UACA: variants seen among roughly 807,000 people sequenced by gnomAD.
The protein encoded by UACA is nuclear membrane binding protein.
A neutral mutation model predicts 160.5 loss-of-function variants in UACA; 112 were observed. The observed-to-expected ratio is 0.70, with a 90% CI of 0.60 to 0.82. The LOEUF (loss-of-function observed/expected upper bound fraction) is 0.82. UACA is among the 40% of genes least tolerant of loss of function. The pLI is 0.00. For missense variants in UACA, 1,574 were observed against 1,614.6 expected (o/e 0.97, Z 0.43); for synonymous variants, 557 against 568.4 (o/e 0.98, Z 0.29).
Position 70,670,689 on chromosome 15 carries a change from C to CA in UACA, c.1221+349dup, listed in dbSNP as rs554652792. ...CTGGATCAAGAGGAAAAAAAAAAAC[C>CA]AAAAAATTATATTTTGGATTATTCA... On this transcript the variant is annotated intron_variant, in intron 15 of 18. Transcript: ENST00000322954. Among the ~76,000 whole-genome samples, 50 of 151,496 alleles carry CA rather than the reference C, an allele frequency of 3.3e-4. No homozygotes were observed. In the South Asian group the frequency reaches 4.8e-3, roughly 15 times the overall value.
At chr15:70,718,028 TAC>T (rs140483075) in intron 1 of UACA, among the ~76,000 whole-genome samples, 4,493 of 142,436 alleles carry the variant, frequency 0.032, 101 homozygotes, top group Middle Eastern at 0.053. Flanking sequence ...AATTTCTTTA[TAC>T]ACACACACAC....
At chr15:70,756,960 A>G (rs956577263) in intron 1 of UACA, among the ~76,000 whole-genome samples, 3 of 152,136 alleles carry the variant, frequency 2.0e-5, no homozygotes, top group African/African-American at 7.2e-5. Flanking sequence ...ATAATTCGAT[A>G]TCATCAAGTA....
the UACA span, among the ~76,000 whole-genome samples, chr15:70,775,384 T>C: frequency 6.6e-6 from 1 of 152,210 alleles, no homozygotes; most frequent in Non-Finnish European, 1.5e-5. Flanking sequence ...GAAGCTAATA[T>C]GAACCCTCTG....
At chr15:70,738,227 C>A (rs1003910846) in intron 1 of UACA, among the ~76,000 whole-genome samples, 34 of 151,974 alleles carry the variant, frequency 2.2e-4, no homozygotes, top group African/African-American at 8.2e-4. Context: ...CCGGTTTCTG[C>A]ATCCTGGACT....
rs1447585662 is a variant in UACA, at chr15:70,656,077, C to T, written c.*979G>A. The T allele has an allele frequency of 6.6e-6, 1 of 152,134 alleles. No homozygotes were observed. Among genetic ancestry groups the T allele is most frequent in the East Asian group, 1.9e-4 (1 of 5,202 alleles). 9.4% of individuals were successfully genotyped at this position (152,134 alleles called of 1,614,324 possible). ...TCTTTCAGTTTACTGTATTACTGTACTTTTCTCTAAAACTTTAAAAATCTG... is the reference window on the plus strand; with the variant it reads ...TCTTTCAGTTTACTGTATTACTGTATTTTTCTCTAAAACTTTAAAAATCTG... On this transcript the variant is annotated 3_prime_UTR_variant, in exon 19 of 19. Transcript: ENST00000322954.
At chr15:70,666,670 G>C in intron 16 of UACA, 54 bp downstream of exon 16, 1 of 1,385,410 alleles carries the variant, frequency 7.2e-7, no homozygotes, top group South Asian at 1.5e-5. Flanking sequence ...CTGTGGTAAA[G>C]AGCACTGCTC....
At chr15:70,704,327 T>C (rs1898464292) in intron 1 of UACA, among the ~76,000 whole-genome samples, 1 of 152,170 alleles carries the variant, frequency 6.6e-6, no homozygotes, top group East Asian at 1.9e-4. Flanking sequence ...AACAAGTATC[T>C]ATTGACCTGA....
rs961260348 is a variant in UACA, at chr15:70,702,292, A to G, written c.79-2632T>C. Reference sequence around the variant, plus strand: ...CTGCTGCCTCAACACTGCAACACAGACGCTGCAGTGCATGATAAAACTGTC... The same window carrying G: ...CTGCTGCCTCAACACTGCAACACAGGCGCTGCAGTGCATGATAAAACTGTC... On this transcript the variant is annotated intron_variant, in intron 1 of 18. Transcript: ENST00000322954. The G allele has an allele frequency of 8.8e-6, 9 of 1,019,526 alleles. No individual in the cohort carries two copies. The African/African-American group carries it at 1.4e-4, about 16-fold the overall frequency. 63.2% of individuals were successfully genotyped at this position (1,019,526 alleles called of 1,614,324 possible).
At chr15:70,723,146 TAG>T (rs1222633034) in intron 1 of UACA, among the ~76,000 whole-genome samples, 1 of 152,208 alleles carries the variant, frequency 6.6e-6, no homozygotes, top group Non-Finnish European at 1.5e-5. Context: ...CATTTGTTAT[TAG>T]AGTTAGGGTT....
the UACA span, among the ~76,000 whole-genome samples, chr15:70,777,546 G>A: frequency 6.6e-6 from 1 of 152,156 alleles, no homozygotes; most frequent in Non-Finnish European, 1.5e-5. Flanking sequence ...CGAAGAAAAA[G>A]GAAAACCAAA....
rs1228574756 is a variant in UACA, at chr15:70,656,841, A to G, written c.*215T>C. 2.3e-6 allele frequency: 1 copy of G among 438,462 alleles called. No homozygotes were observed. Among genetic ancestry groups the G allele is most frequent in the Non-Finnish European group, 4.0e-6 (1 of 246,982 alleles). The allele number at this position is 438,462 out of a possible 1,614,324, so 27.2% of individuals were successfully genotyped here. ...CAGGGCAAAGTTATGTTGTTTGCCT[A>G]TTTGTAAAATTAACACATACAGAAA... On this transcript the variant is annotated 3_prime_UTR_variant, in exon 19 of 19. Transcript: ENST00000322954.
At chr15:70,717,052 T>A (rs1898842028) in intron 1 of UACA, among the ~76,000 whole-genome samples, 1 of 152,100 alleles carries the variant, frequency 6.6e-6, no homozygotes, top group Non-Finnish European at 1.5e-5. Context: ...AGAAATCCCG[T>A]CTCTATCAAA....
At chr15:70,687,899 G>C in intron 5 of UACA, 79 bp from the exon 6 acceptor site, 1 of 1,382,642 alleles carries the variant, frequency 7.2e-7, no homozygotes, top group South Asian at 1.3e-5. Context: ...TCCATATAAG[G>C]AATAAGTTTT....
chr15:70,715,957 T>C (rs1330534757), intron 1 of UACA, among the ~76,000 whole-genome samples: 1 of 152,220 alleles, frequency 6.6e-6, no homozygotes, highest in Non-Finnish European at 1.5e-5. Flanking sequence ...AAGGAACTAA[T>C]TTAAGGCGGT....
chr15:70,701,958 C>T, intron 1 of UACA: 1 of 1,607,474 alleles, frequency 6.2e-7, no homozygotes, highest in Non-Finnish European at 8.5e-7. Context: ...AACTACTTTG[C>T]ATTAAGTTAC....
chr15:70,756,744 G>A (rs1288858219), intron 1 of UACA, among the ~76,000 whole-genome samples: 1 of 152,066 alleles, frequency 6.6e-6, no homozygotes, highest in Non-Finnish European at 1.5e-5. Context: ...ATGGTGGCGG[G>A]CAGCTGTAAT....
intron 1 of UACA, among the ~76,000 whole-genome samples, chr15:70,705,505 C>G (rs191689213): frequency 6.6e-6 from 1 of 152,036 alleles, no homozygotes; most frequent in Admixed American, 6.5e-5. Flanking sequence ...CATTGCACCC[C>G]AACTTGGGCA....
intron 1 of UACA, among the ~76,000 whole-genome samples, chr15:70,706,105 G>A (rs1840105244): frequency 6.6e-6 from 1 of 152,022 alleles, no homozygotes. Context: ...TTTATTCCTG[G>A]AATGCAAGGA....
At chr15:70,703,395 T>A in intron 1 of UACA, 1 of 664,068 alleles carries the variant, frequency 1.5e-6, no homozygotes, top group Non-Finnish European at 2.2e-6. Context: ...TGTTTCCTAC[T>A]AAATTTACAA....
Sources: allele counts gnomAD v4.1 joint callset (sites outside exome capture counted in the v4.1 genomes callset), GRCh38; gene constraint gnomAD v4.1.1; transcripts MANE v1.5; gene names NCBI Gene and HGNC (gene_info 2026-07-23, HGNC 2026-07-21).